The following PSMD1 variants were observed in gnomAD, a reference collection of about 807,000 sequenced individuals.
PSMD1 encodes the protein proteasome 26S subunit, non-ATPase 1.
In PSMD1, 18 loss-of-function variants were observed where a neutral mutation model predicts 119.0. The observed-to-expected ratio is 0.15, with a 90% CI of 0.10 to 0.22. The LOEUF is 0.22. Ranked by LOEUF, PSMD1 falls within the 10% of genes least tolerant of loss-of-function variation. The pLI, the probability that PSMD1 is intolerant of heterozygous loss-of-function variation, is 1.00. For missense variants in PSMD1, 702 were observed against 1,158.5 expected, an observed-to-expected ratio of 0.61 and a Z score of 5.72; for synonymous variants, 374 against 396.6, an observed-to-expected ratio of 0.94 and a Z score of 0.68.
intron 5 of PSMD1, among the ~76,000 whole-genome samples, chr2:231,067,417 T>C (rs1490239994): frequency 6.6e-6 from 1 of 152,236 alleles, no homozygotes; most frequent in Non-Finnish European, 1.5e-5. Context: ...GGGTTAAAAC[T>C]ACTCAGCTAG....
At chr2:231,059,238 A>T (rs1340906428) in intron 1 of PSMD1, among the ~76,000 whole-genome samples, 1 of 152,194 alleles carries the variant, frequency 6.6e-6, no homozygotes, top group Admixed American at 6.5e-5. Context: ...TATTACTGCC[A>T]TTTAAGTTTA....
At chr2:231,139,558 T>TAAAAAAAA (rs35924284) in intron 17 of PSMD1, among the ~76,000 whole-genome samples, 3 of 114,346 alleles carry the variant, frequency 2.6e-5, no homozygotes, top group African/African-American at 3.6e-5. Flanking sequence ...ATTGATTTCT[T>TAAAAAAAA]AAAAAAAAAA....
intron 18 of PSMD1, among the ~76,000 whole-genome samples, chr2:231,146,558 G>T (rs1462774762): frequency 1.3e-5 from 2 of 152,018 alleles, no homozygotes; most frequent in Non-Finnish European, 2.9e-5. Context: ...AGACTTAATG[G>T]TCCCTTTGTT....
intron 16 of PSMD1, among the ~76,000 whole-genome samples, chr2:231,092,539 T>C (rs1172333008): frequency 6.6e-6 from 1 of 152,166 alleles, no homozygotes; most frequent in Non-Finnish European, 1.5e-5. Flanking sequence ...TGGGGTGGCA[T>C]GGACTCTCCT....
intron 16 of PSMD1, among the ~76,000 whole-genome samples, chr2:231,137,211 G>C (rs141301047): frequency 0.083 from 12,510 of 151,152 alleles, 656 homozygotes; most frequent in South Asian, 0.21. Flanking sequence ...TCTGCCTCCC[G>C]GGTTCAAGGG....
chr2:231,084,362 A>G (rs1255805175), intron 14 of PSMD1, among the ~76,000 whole-genome samples: 2 of 151,890 alleles, frequency 1.3e-5, no homozygotes, highest in Non-Finnish European at 2.9e-5. Flanking sequence ...AAAAATATAT[A>G]TATATATATT....
chr2:231,067,950 C>G (rs1693946938), intron 5 of PSMD1, among the ~76,000 whole-genome samples: 1 of 152,206 alleles, frequency 6.6e-6, no homozygotes. Context: ...AGCCACCACA[C>G]CTGCCCTCCA....
chr2:231,102,587 A>G (rs1400186572), intron 16 of PSMD1, among the ~76,000 whole-genome samples: 1 of 152,208 alleles, frequency 6.6e-6, no homozygotes, highest in Non-Finnish European at 1.5e-5. Flanking sequence ...TAAGGAAGAG[A>G]AAACACTCGT....
At chr2:231,109,084 C>T (rs1442410640) in intron 16 of PSMD1, 20 of 1,614,090 alleles carry the variant, frequency 1.2e-5, no homozygotes, top group East Asian at 2.2e-5. Context: ...CTGAGTTGGG[C>T]AGAGCCTTGT....
chr2:231,128,437 A>C (rs1371232826), intron 16 of PSMD1, among the ~76,000 whole-genome samples: 2 of 152,214 alleles, frequency 1.3e-5, no homozygotes, highest in Non-Finnish European at 2.9e-5. Flanking sequence ...AGATCAGTGA[A>C]AGAGCTGAAA....
intron 16 of PSMD1, 64 bp from the exon 17 acceptor site, chr2:231,138,672 C>A: frequency 1.6e-6 from 2 of 1,243,022 alleles, no homozygotes; most frequent in Non-Finnish European, 2.3e-6. Context: ...TTGGTTAAAA[C>A]TCTTCTGTCT....
At chr2:231,163,442 A>G (rs1696685436) in intron 20 of PSMD1, 193 bp from the exon 21 acceptor site, 3 of 512,214 alleles carry the variant, frequency 5.9e-6, no homozygotes, top group South Asian at 3.4e-5. Context: ...TAAGAAAAGT[A>G]TAGAGAACTG....
intron 22 of PSMD1, among the ~76,000 whole-genome samples, chr2:231,165,587 C>T (rs6437003): frequency 0.44 from 66,227 of 151,962 alleles, 15,853 homozygotes; most frequent in East Asian, 0.62. Flanking sequence ...GAAAGAAAAA[C>T]CCTTTCAAGC....
intron 1 of PSMD1, 77 bp from the exon 2 acceptor site, chr2:231,061,190 T>C: frequency 2.6e-6 from 3 of 1,140,906 alleles, no homozygotes; most frequent in Non-Finnish European, 3.8e-6. Flanking sequence ...TCAGCCATCA[T>C]GTATTTTTGA....
At position 231,061,348 on chromosome 2, in the gene PSMD1, A is replaced by G; in HGVS notation, c.60+38A>G. On this transcript the variant is annotated intron_variant, in intron 2 of 24. Transcript: ENST00000308696. ...GAATAAGTAACTAGGCTTAGTGTGA[A>G]TACTGTGAAGCCTTTTGAATTTAGT... The G allele has an allele frequency of 4.1e-6, 6 of 1,472,278 alleles. No individual in the cohort carries two copies. The South Asian group carries it at 7.2e-5, about 18-fold the overall frequency. 91.2% of individuals were successfully genotyped at this position (1,472,278 alleles called of 1,614,324 possible).
intron 22 of PSMD1, among the ~76,000 whole-genome samples, 171 bp downstream of exon 22, chr2:231,165,457 A>G (rs1232150187): frequency 6.6e-6 from 1 of 152,124 alleles, no homozygotes; most frequent in Non-Finnish European, 1.5e-5. Context: ...TCGAAAATAT[A>G]TCCATTTGTG....
intron 16 of PSMD1, among the ~76,000 whole-genome samples, chr2:231,101,941 G>C (rs573610685): frequency 6.6e-6 from 1 of 152,286 alleles, no homozygotes. Flanking sequence ...CAAAACTGTA[G>C]AATAGCAGAG....
At chr2:231,146,988 C>T (rs1490637830) in intron 18 of PSMD1, among the ~76,000 whole-genome samples, 1 of 152,164 alleles carries the variant, frequency 6.6e-6, no homozygotes, top group Non-Finnish European at 1.5e-5. Flanking sequence ...GTGCTAGTAC[C>T]TCAGCTAATA....
chr2:231,124,045 TA>T (rs1695652252), intron 16 of PSMD1: 2 of 345,290 alleles, frequency 5.8e-6, no homozygotes, highest in East Asian at 6.1e-5. Flanking sequence ...AAAAATAGGA[TA>T]TATATATATT....
Sources: allele counts gnomAD v4.1 joint callset (sites outside exome capture counted in the v4.1 genomes callset), GRCh38; gene constraint gnomAD v4.1.1; transcripts MANE v1.5; gene names NCBI Gene and HGNC (gene_info 2026-07-23, HGNC 2026-07-21).